BMAL1: variants seen among roughly 807,000 people sequenced by gnomAD.
BMAL1 encodes the protein basic helix-loop-helix ARNT like 1, also known as basic helix-loop-helix ARNT-like protein 1.
the BMAL1 span, among the ~76,000 whole-genome samples, chr11:13,345,203 G>A: frequency 1.3e-5 from 2 of 152,350 alleles, no homozygotes; most frequent in East Asian, 3.9e-4. Context: ...GCCAGAAGGA[G>A]AGGCAGGCCT....
At chr11:13,341,547 T>C in the BMAL1 span, among the ~76,000 whole-genome samples, 1 of 152,184 alleles carries the variant, frequency 6.6e-6, no homozygotes, top group Non-Finnish European at 1.5e-5. Context: ...ACCTTTCAGG[T>C]GCTCCATCCT....
the BMAL1 span, among the ~76,000 whole-genome samples, chr11:13,342,657 T>A: frequency 2.0e-5 from 3 of 152,196 alleles, no homozygotes; most frequent in Non-Finnish European, 2.9e-5. Context: ...TTCCCCCGAA[T>A]AACATCATTA....
the BMAL1 span, among the ~76,000 whole-genome samples, chr11:13,313,371 C>T: frequency 1.3e-5 from 2 of 152,176 alleles, no homozygotes; most frequent in Admixed American, 6.5e-5. Context: ...GTCTTGAAGA[C>T]ACCCGGATCT....
At chr11:13,276,840 T>C in the BMAL1 span, 1 of 152,268 alleles carries the variant, frequency 6.6e-6, no homozygotes, top group Non-Finnish European at 1.5e-5. Flanking sequence ...GAGTCGCATG[T>C]CGTTATCAAA....
At chr11:13,306,753 A>G in the BMAL1 span, among the ~76,000 whole-genome samples, 4 of 152,364 alleles carry the variant, frequency 2.6e-5, no homozygotes, top group East Asian at 7.7e-4. Flanking sequence ...ATAAGTGGGT[A>G]GTTACTGGTT....
At chr11:13,368,152 T>C in the BMAL1 span, among the ~76,000 whole-genome samples, 1 of 152,218 alleles carries the variant, frequency 6.6e-6, no homozygotes, top group Admixed American at 6.5e-5. Context: ...GGCCTTGCCT[T>C]TGAGGCTCTT....
chr11:13,368,537 G>T, the BMAL1 span, among the ~76,000 whole-genome samples: 849 of 152,294 alleles, frequency 5.6e-3, 3 homozygotes, highest in Non-Finnish European at 9.6e-3. Flanking sequence ...AGGGGAGATC[G>T]CAGAGCTGGC....
the BMAL1 span, chr11:13,375,793 C>T: frequency 2.6e-6 from 4 of 1,515,338 alleles, 1 homozygote; most frequent in South Asian, 5.3e-5. Flanking sequence ...TGAAGCTCCC[C>T]TTGCTTCAAA....
At chr11:13,303,234 C>T in the BMAL1 span, among the ~76,000 whole-genome samples, 2 of 152,144 alleles carry the variant, frequency 1.3e-5, no homozygotes, top group African/African-American at 4.8e-5. Flanking sequence ...GTGCTCCATT[C>T]ATTCATTCAT....
the BMAL1 span, among the ~76,000 whole-genome samples, chr11:13,385,354 A>G: frequency 2.0e-5 from 3 of 152,210 alleles, no homozygotes; most frequent in Non-Finnish European, 4.4e-5. Flanking sequence ...ATTCCCTTAT[A>G]GGGGAAACGT....
the BMAL1 span, among the ~76,000 whole-genome samples, chr11:13,301,547 A>G: frequency 2.4e-4 from 36 of 152,174 alleles, no homozygotes; most frequent in Non-Finnish European, 2.4e-4. Flanking sequence ...GCTAAGGGGC[A>G]GGAGAATCAA....
the BMAL1 span, among the ~76,000 whole-genome samples, chr11:13,307,876 C>T: frequency 6.6e-6 from 1 of 152,182 alleles, no homozygotes; most frequent in Non-Finnish European, 1.5e-5. Flanking sequence ...GCACATTCGT[C>T]CTTTTGGCAT....
chr11:13,351,874 T>G, the BMAL1 span, among the ~76,000 whole-genome samples: 1 of 152,122 alleles, frequency 6.6e-6, no homozygotes, highest in African/African-American at 2.4e-5. Flanking sequence ...GTTGGATTAT[T>G]GAGAATAAGA....
At chr11:13,312,426 A>T in the BMAL1 span, among the ~76,000 whole-genome samples, 1 of 152,170 alleles carries the variant, frequency 6.6e-6, no homozygotes, top group African/African-American at 2.4e-5. Context: ...CAGAGGCTGT[A>T]GTGGGTGTTT....
the BMAL1 span, among the ~76,000 whole-genome samples, chr11:13,281,084 C>T: frequency 2.0e-5 from 3 of 152,184 alleles, no homozygotes; most frequent in Admixed American, 1.3e-4. Flanking sequence ...ATGTAAAAGG[C>T]CTGGCACACA....
chr11:13,312,671 T>G, the BMAL1 span, among the ~76,000 whole-genome samples: 2 of 152,246 alleles, frequency 1.3e-5, no homozygotes, highest in African/African-American at 4.8e-5. Context: ...TTCTCTCCAA[T>G]TACCTCCAGC....
the BMAL1 span, chr11:13,379,575 A>G: frequency 1.3e-5 from 2 of 152,258 alleles, no homozygotes; most frequent in Admixed American, 1.3e-4. Context: ...AGTATCAAAC[A>G]GTCCTTGACC....
chr11:13,332,234 T>C, the BMAL1 span, among the ~76,000 whole-genome samples: 1 of 152,180 alleles, frequency 6.6e-6, no homozygotes, highest in Admixed American at 6.5e-5. Flanking sequence ...GAAGAGATGG[T>C]TGATCTTCCT....
the BMAL1 span, chr11:13,354,957 GTTATA>G: frequency 1.4e-5 from 4 of 287,310 alleles, no homozygotes; most frequent in Admixed American, 1.3e-4. Flanking sequence ...GTATGAACTT[GTTATA>G]TTAAATAGTA....
Sources: allele counts gnomAD v4.1 joint callset (sites outside exome capture counted in the v4.1 genomes callset), GRCh38; gene constraint gnomAD v4.1.1; transcripts MANE v1.5; gene names NCBI Gene and HGNC (gene_info 2026-07-23, HGNC 2026-07-21).